Variants in DDHD1 observed in about 807,000 individuals in gnomAD.
The protein encoded by DDHD1 is phospholipase DDHD1.
DDHD1 carries 49 observed loss-of-function variants against 96.4 expected under a neutral mutation model. The ratio of observed to expected loss-of-function variants is 0.51; its 90% confidence interval spans 0.40 to 0.64. The LOEUF (loss-of-function observed/expected upper bound fraction) is 0.64, where lower values mean the gene tolerates loss of function less well. Ranked by LOEUF, DDHD1 falls within the 30% of genes least tolerant of loss-of-function variation. The pLI is 0.00. For missense variants in DDHD1, 1,106 were observed against 1,161.2 expected (o/e 0.95, Z 0.69); for synonymous variants, 442 against 446.5 (o/e 0.99, Z 0.13).
In DDHD1 at chr14:53,103,805, C is replaced by G. The variant is rs768904481; in HGVS notation, c.890G>C (p.Trp297Ser). The change falls in exon 2 of 13, where the codon TGG becomes TCG. Residue 297 changes from tryptophan to serine, a missense_variant. Physicochemically the swap from Trp to Ser is radical, Grantham distance 177. Transcript: ENST00000673822. ...ACTTTCTTCCTCTTCTAGAGGCTGCCAAGTGCCGTCAATAAACCACTGTCC... is the reference window on the plus strand; with the variant it reads ...ACTTTCTTCCTCTTCTAGAGGCTGCGAAGTGCCGTCAATAAACCACTGTCC... The part of the protein sequence containing the change: ...MRGQWFIDGT[W>S]QPLEEEESNL... 6.2e-7 allele frequency: 1 copy of G among 1,612,536 alleles called. No homozygotes were observed. Among genetic ancestry groups the G allele is most frequent in the South Asian group, 1.1e-5 (1 of 90,890 alleles).
At chr14:53,060,016 T>TA (rs1491273244) in intron 8 of DDHD1, among the ~76,000 whole-genome samples, 3 of 151,966 alleles carry the variant, frequency 2.0e-5, no homozygotes, top group Admixed American at 6.6e-5. Flanking sequence ...ATATTTTTTT[T>TA]AAAAAAACAC....
Position 53,038,207 on chromosome 14 carries a change from A to C in DDHD1, c.*8561T>G, listed in dbSNP as rs954442428. On this transcript the variant is annotated 3_prime_UTR_variant, in exon 13 of 13. Coordinates refer to ENST00000673822, the MANE Select transcript of DDHD1 (RefSeq NM_001160148.2). ...CAGGCAAGAGAAATAAATAAAAGGC[A>C]TCCAACTGGGAAAAGAAATCAAACT... 3.3e-5 allele frequency: 5 copies of C among 152,160 alleles called. No individual in the cohort carries two copies. The highest frequency in any genetic ancestry group is 9.7e-5 in the African/African-American group (4 of 41,446). 9.4% of individuals were successfully genotyped at this position (152,160 alleles called of 1,614,324 possible).
chr14:53,097,263 T>C (rs1886957496), intron 2 of DDHD1, among the ~76,000 whole-genome samples: 3 of 152,028 alleles, frequency 2.0e-5, no homozygotes, highest in African/African-American at 7.2e-5. Flanking sequence ...AACAAATCTG[T>C]TGAATATGCA....
intron 9 of DDHD1, 112 bp downstream of exon 9, chr14:53,058,365 T>G (rs537881959): frequency 1.4e-4 from 172 of 1,251,068 alleles, no homozygotes; most frequent in Non-Finnish European, 1.9e-4. Flanking sequence ...TGCGCCCGCC[T>G]CAGCCTCCCA....
intron 1 of DDHD1, among the ~76,000 whole-genome samples, chr14:53,126,643 T>C (rs1487605267): frequency 6.6e-6 from 1 of 152,182 alleles, no homozygotes; most frequent in East Asian, 1.9e-4. Flanking sequence ...GCTGGGATTA[T>C]AGGCATGAGC....
chr14:53,080,724 T>TTG (rs1885396664), intron 4 of DDHD1, among the ~76,000 whole-genome samples: 2 of 148,060 alleles, frequency 1.4e-5, no homozygotes, highest in Admixed American at 1.3e-4. Flanking sequence ...CCCCTTTTTT[T>TTG]TTTTTTTTTT....
intron 9 of DDHD1, among the ~76,000 whole-genome samples, chr14:53,057,366 C>A (rs1883147919): frequency 6.6e-6 from 1 of 151,992 alleles, no homozygotes; most frequent in Non-Finnish European, 1.5e-5. Context: ...CTTGGCATTA[C>A]ACTGTTTAAC....
At chr14:53,112,403 G>C (rs189070718) in intron 1 of DDHD1, among the ~76,000 whole-genome samples, 1 of 149,452 alleles carries the variant, frequency 6.7e-6, no homozygotes, top group Non-Finnish European at 1.5e-5. Context: ...GCAACAGAGC[G>C]AGACTCCATC....
intron 6 of DDHD1, among the ~76,000 whole-genome samples, chr14:53,065,758 G>A (rs116804139): frequency 0.01 from 1,539 of 152,218 alleles, 32 homozygotes; most frequent in African/African-American, 0.035. Context: ...CTGAGAAGTG[G>A]TCACTCAGTC....
intron 1 of DDHD1, among the ~76,000 whole-genome samples, chr14:53,133,379 A>C (rs1286182279): frequency 6.6e-6 from 1 of 152,182 alleles, no homozygotes; most frequent in Non-Finnish European, 1.5e-5. Flanking sequence ...TCTCAGACAT[A>C]CTTCCTCGGT....
chr14:53,135,766 A>G (rs1451836535), intron 1 of DDHD1, among the ~76,000 whole-genome samples: 1 of 152,244 alleles, frequency 6.6e-6, no homozygotes, highest in Non-Finnish European at 1.5e-5. Context: ...TGACAGAATA[A>G]CACATAATGG....
chr14:53,101,040 T>C (rs1028284994), intron 2 of DDHD1, among the ~76,000 whole-genome samples: 2 of 152,200 alleles, frequency 1.3e-5, no homozygotes, highest in South Asian at 2.1e-4. Flanking sequence ...ACCACATTAC[T>C]ATACATGGCA....
At chr14:53,077,491 A>G (rs10147219) in intron 4 of DDHD1, among the ~76,000 whole-genome samples, 114,979 of 151,976 alleles carry the variant, frequency 0.76, 45,417 homozygotes, top group East Asian at 0.98. Context: ...CAGTTTTCAA[A>G]ATAACAAGTC....
chr14:53,059,363 G>C (rs1883337063), intron 8 of DDHD1, among the ~76,000 whole-genome samples: 1 of 151,914 alleles, frequency 6.6e-6, no homozygotes, highest in Non-Finnish European at 1.5e-5. Context: ...TCCTGCCTCA[G>C]CCTCCTGAGT....
In DDHD1 at chr14:53,152,275, G is replaced by T. The variant is rs1043675131; in HGVS notation, c.824C>A (p.Pro275Gln). Residue 275 changes from proline to glutamine, a missense_variant, in exon 1 of 13, where the codon CCG (proline) becomes CAG (glutamine). By Grantham distance (76) the Pro-to-Gln change is moderately conservative. Coordinates refer to ENST00000673822, the MANE Select transcript of DDHD1 (RefSeq NM_001160148.2). ...EVDVTQGECYPVYWNQADKIP... is the reference protein window; with the variant it reads ...EVDVTQGECYQVYWNQADKIP... ...CCGCTACTCACGGTTCCAGTACACC[G>T]GGTAGCACTCTCCTTGGGTCACATC... is the stretch of plus-strand genomic sequence containing the variant. 2 of 1,609,674 alleles carry T rather than the reference G, an allele frequency of 1.2e-6. No individual in the cohort carries two copies. The highest frequency in any genetic ancestry group is 2.7e-5 in the African/African-American group (2 of 75,016).
rs765100026 is a variant in DDHD1 at position 53,062,929 on chromosome 14, T to C, written c.1766+14A>G. On this transcript the variant is annotated intron_variant, in intron 7 of 12. Coordinates refer to ENST00000673822, the MANE Select transcript of DDHD1 (RefSeq NM_001160148.2). The stretch of plus-strand genomic sequence containing the variant: ...AGACATTTAAAAATTTTTCAAAAGA[T>C]GAGGATATTTTACCGTCGTTTAGTT... 1 of 1,604,636 alleles carries C rather than the reference T, an allele frequency of 6.2e-7. No individual in the cohort carries two copies. The highest frequency in any genetic ancestry group is 8.5e-7 in the Non-Finnish European group (1 of 1,174,384).
At chr14:53,114,918 C>T (rs553484126) in intron 1 of DDHD1, among the ~76,000 whole-genome samples, 1 of 152,120 alleles carries the variant, frequency 6.6e-6, no homozygotes, top group Non-Finnish European at 1.5e-5. Flanking sequence ...TGGGTAATAA[C>T]AAACTCCTCT....
chr14:53,088,493 C>G (rs1165182707), intron 4 of DDHD1, among the ~76,000 whole-genome samples: 1 of 152,138 alleles, frequency 6.6e-6, no homozygotes, highest in Non-Finnish European at 1.5e-5. Flanking sequence ...GGCTTCATCC[C>G]TGGGATGCAA....
chr14:53,096,216 CA>C, intron 2 of DDHD1: 1 of 984,324 alleles, frequency 1.0e-6, no homozygotes, highest in South Asian at 4.7e-5. Context: ...AGGTGGTAGA[CA>C]ACTAAGAAAG....
Sources: allele counts gnomAD v4.1 joint callset (sites outside exome capture counted in the v4.1 genomes callset), GRCh38; gene constraint gnomAD v4.1.1; transcripts MANE v1.5; gene names NCBI Gene and HGNC (gene_info 2026-07-23, HGNC 2026-07-21).